The following MGLL variants were observed in gnomAD, a reference collection of about 807,000 sequenced individuals.
The protein encoded by MGLL is lysophospholipase homolog.
A neutral mutation model predicts 29.1 loss-of-function variants in MGLL; 7 were observed. The observed-to-expected ratio is 0.24, with a 90% CI of 0.14 to 0.45. The LOEUF (loss-of-function observed/expected upper bound fraction) is 0.45. Ranked by LOEUF, MGLL falls within the 20% of genes least tolerant of loss-of-function variation. MGLL has a pLI of 0.99. For synonymous variants in MGLL, 148 were observed against 168.3 expected (o/e 0.88, Z 0.93); for missense variants, 356 against 413.6 (o/e 0.86, Z 1.21).
intron 3 of MGLL, among the ~76,000 whole-genome samples, chr3:127,772,513 A>T (rs2076967048): frequency 6.6e-6 from 1 of 152,194 alleles, no homozygotes; most frequent in Admixed American, 6.5e-5. Flanking sequence ...CCTGCACACT[A>T]CCGCATGCAA....
chr3:127,815,490 C>G (rs1045260067), intron 2 of MGLL, among the ~76,000 whole-genome samples: 1 of 152,262 alleles, frequency 6.6e-6, no homozygotes, highest in Non-Finnish European at 1.5e-5. Flanking sequence ...ACACGCGGTG[C>G]TACGTCTTTG....
intron 5 of MGLL, 69 bp from the exon 6 acceptor site, chr3:127,710,734 A>G: frequency 7.6e-7 from 1 of 1,317,294 alleles, no homozygotes; most frequent in Non-Finnish European, 1.1e-6. Flanking sequence ...CCGCAGTGAC[A>G]GTTTACAGTA....
intron 2 of MGLL, among the ~76,000 whole-genome samples, chr3:127,782,632 A>C (rs745798633): frequency 6.6e-6 from 1 of 152,022 alleles, no homozygotes; most frequent in Admixed American, 6.6e-5. Context: ...AAACTATCCA[A>C]TTTTCAAGAC....
At chr3:127,766,532 C>G (rs747251561) in intron 3 of MGLL, among the ~76,000 whole-genome samples, 4 of 152,104 alleles carry the variant, frequency 2.6e-5, no homozygotes, top group Non-Finnish European at 5.9e-5. Flanking sequence ...GGGTCGCCTC[C>G]CAACTGCGCC....
intron 2 of MGLL, among the ~76,000 whole-genome samples, chr3:127,789,528 G>A (rs959176544): frequency 2.6e-5 from 4 of 152,158 alleles, no homozygotes; most frequent in African/African-American, 9.7e-5. Flanking sequence ...TGGGCAACAT[G>A]GTGAGACCCC....
chr3:127,722,352 A>G (rs978327426), intron 4 of MGLL, 78 bp downstream of exon 4: 1 of 1,586,728 alleles, frequency 6.3e-7, no homozygotes, highest in African/African-American at 1.3e-5. Flanking sequence ...GGGGGGCAGG[A>G]AGTCAGGGCC....
At chr3:127,819,043 G>C (rs761612549) in intron 2 of MGLL, among the ~76,000 whole-genome samples, 1 of 152,170 alleles carries the variant, frequency 6.6e-6, no homozygotes, top group African/African-American at 2.4e-5. Flanking sequence ...GGCCTGCTAC[G>C]TTAAAAACAG....
intron 3 of MGLL, among the ~76,000 whole-genome samples, chr3:127,725,256 GT>G (rs1401489637): frequency 3.3e-5 from 5 of 152,090 alleles, no homozygotes; most frequent in Admixed American, 2.0e-4. Flanking sequence ...ATCTGGCTGT[GT>G]TTTCTTTTTC....
chr3:127,746,893 C>G (rs940789781), intron 3 of MGLL, among the ~76,000 whole-genome samples: 1 of 152,168 alleles, frequency 6.6e-6, no homozygotes, highest in East Asian at 1.9e-4. Context: ...CCTCCCTCCT[C>G]CTTCCTGAAT....
chr3:127,822,048 A>AT lies in MGLL; in HGVS notation c.11-211dup, dbSNP rs1559992827. 1.3e-5 allele frequency: 9 copies of AT among 668,260 alleles called. No individual in the cohort carries two copies. In the Admixed American group the frequency reaches 1.6e-4, roughly 12 times the overall value. The allele number at this position is 668,260 out of a possible 1,614,324, so 41.4% of individuals were successfully genotyped here. On this transcript the variant is annotated intron_variant, in intron 1 of 7. Coordinates refer to ENST00000265052, the MANE Select transcript of MGLL (RefSeq NM_007283.7). ...TTGTTCTTAAGAAAATGCTCACTTT[A>AT]TTTTTTAAGTGCCTCATTACAGTTT... is the stretch of plus-strand genomic sequence containing the variant.
chr3:127,807,119 G>C (rs1409870506), intron 2 of MGLL, among the ~76,000 whole-genome samples: 1 of 151,898 alleles, frequency 6.6e-6, no homozygotes, highest in Non-Finnish European at 1.5e-5. Context: ...TCTGGGCCTG[G>C]GTTTTTCTTT....
intron 2 of MGLL, among the ~76,000 whole-genome samples, chr3:127,789,445 C>T (rs9821704): frequency 0.081 from 12,413 of 152,318 alleles, 700 homozygotes; most frequent in South Asian, 0.15. Context: ...AGATGGCTCA[C>T]GCCTATAATC....
intron 5 of MGLL, among the ~76,000 whole-genome samples, chr3:127,717,641 C>T (rs190659360): frequency 6.6e-6 from 1 of 152,304 alleles, no homozygotes; most frequent in East Asian, 1.9e-4. Context: ...ACAACCTTGG[C>T]AACAGGGAGA....
intron 2 of MGLL, among the ~76,000 whole-genome samples, chr3:127,811,383 T>C (rs544262207): frequency 1.3e-5 from 2 of 152,342 alleles, no homozygotes; most frequent in South Asian, 4.1e-4. Flanking sequence ...CCCAGAGTTA[T>C]AGCAAAAGAA....
At position 127,769,485 on chromosome 3, in the gene MGLL, T is replaced by C. The variant is rs78067499; in HGVS notation, c.262+12304A>G. Among the ~76,000 whole-genome samples, 409 of 152,340 alleles carry C rather than the reference T, an allele frequency of 2.7e-3. 2 individuals are homozygous for C. Among genetic ancestry groups the C allele is most frequent in the African/African-American group, 9.4e-3 (391 of 41,564 alleles). ...ACGCTGCCCTCACTTAGTGCCATAGTCCACACTAAAACCCTGTGACGGAGG... is the reference window on the plus strand; with the variant it reads ...ACGCTGCCCTCACTTAGTGCCATAGCCCACACTAAAACCCTGTGACGGAGG... On this transcript the variant is annotated intron_variant, in intron 3 of 7. Transcript: ENST00000265052.
chr3:127,697,537 C>G (rs2075392802), intron 6 of MGLL, among the ~76,000 whole-genome samples: 1 of 152,114 alleles, frequency 6.6e-6, no homozygotes, highest in African/African-American at 2.4e-5. Context: ...TTGTTCTGCC[C>G]TACAGAACCT....
At chr3:127,782,913 G>T in intron 2 of MGLL, among the ~76,000 whole-genome samples, 1 of 152,274 alleles carries the variant, frequency 6.6e-6, no homozygotes, top group South Asian at 2.1e-4. Context: ...GTTGGGCCAG[G>T]CAAGGTGGCT....
At position 127,811,080 on chromosome 3, in the gene MGLL, C is replaced by T. The variant is rs2077654457; in HGVS notation, c.155+10614G>A. ...GTGATACTTCTGGATTTAGGTGCTC[C>T]TTTCCTGCACAAAAGGTTAATGCCT... On this transcript the variant is annotated intron_variant, in intron 2 of 7. Transcript: ENST00000265052. Among the ~76,000 whole-genome samples, 2 of 149,128 alleles carry T rather than the reference C, an allele frequency of 1.3e-5. 1 individual carries two copies. The highest frequency in any genetic ancestry group is 5.2e-5 in the African/African-American group (2 of 38,492).
chr3:127,820,080 AT>A (rs573275562), intron 2 of MGLL, among the ~76,000 whole-genome samples: 144 of 152,080 alleles, frequency 9.5e-4, no homozygotes, highest in Middle Eastern at 3.4e-3. Flanking sequence ...TGCCCTCAAT[AT>A]TTTTTTCCCT....
Sources: gnomAD v4.1 joint callset for allele counts (sites outside exome capture counted in the v4.1 genomes callset) on GRCh38, gnomAD v4.1.1 for gene constraint, MANE v1.5 for transcripts, NCBI Gene and HGNC (gene_info 2026-07-23, HGNC 2026-07-21) for gene names.